Variants in FLRT2 observed in about 807,000 individuals in gnomAD.
The protein encoded by FLRT2 is leucine-rich repeat transmembrane protein FLRT2.
In FLRT2, 15 loss-of-function variants were observed where a neutral mutation model predicts 40.0. The ratio of observed to expected loss-of-function variants is 0.38; its 90% CI spans 0.25 to 0.58. The LOEUF is 0.58. Ranked by LOEUF, FLRT2 falls within the 20% of genes least tolerant of loss-of-function variation. FLRT2 has a pLI of 0.71. For synonymous variants in FLRT2, 380 were observed against 336.8 expected, an observed-to-expected ratio of 1.13 and a Z score of -1.41; for missense variants, 726 against 840.0, an observed-to-expected ratio of 0.86 and a Z score of 1.68.
At chr14:85,581,334 T>TG (rs552892701) in intron 1 of FLRT2, among the ~76,000 whole-genome samples, 134 of 152,332 alleles carry the variant, frequency 8.8e-4, no homozygotes, top group African/African-American at 3.1e-3. Flanking sequence ...GACAAGCCCT[T>TG]GGCTTCACGT....
rs190372780 is a variant in FLRT2, at chr14:85,635,016, A to G, written c.*11519A>G. On this transcript the variant is annotated 3_prime_UTR_variant, in exon 2 of 2. Transcript: ENST00000330753. ...CTGTGTGCTTTTAAAATTCAGGAAGATGTGACTAGGATAGATAAAGCAAAC... is the reference window on the plus strand; with the variant it reads ...CTGTGTGCTTTTAAAATTCAGGAAGGTGTGACTAGGATAGATAAAGCAAAC... 3.1e-4 allele frequency: 47 copies of G among 152,292 alleles called. No homozygotes were observed. The highest frequency in any genetic ancestry group is 1.1e-3 in the African/African-American group (46 of 41,576). 9.4% of individuals were successfully genotyped at this position (152,292 alleles called of 1,614,324 possible). A position where few individuals can be genotyped will look rare whatever the true frequency, so the allele number is the denominator to read the frequency against.
intron 1 of FLRT2, among the ~76,000 whole-genome samples, chr14:85,553,614 T>G (rs2139829667): frequency 6.6e-6 from 1 of 152,296 alleles, no homozygotes; most frequent in South Asian, 2.1e-4. Context: ...GATTCACACT[T>G]TTATCGCCAG....
rs1034727746 is a variant in FLRT2, at chr14:85,625,360, G to A, written c.*1863G>A. 1 of 166,894 alleles carries A rather than the reference G, an allele frequency of 6.0e-6. No individual in the cohort carries two copies. The highest frequency in any genetic ancestry group is 2.4e-5 in the African/African-American group (1 of 41,412). The allele number at this position is 166,894 out of a possible 1,614,324, so 10.3% of individuals were successfully genotyped here. A position where few individuals can be genotyped will look rare whatever the true frequency, so the allele number is the denominator to read the frequency against. Reference sequence around the variant, plus strand: ...ATGTGTCTTCTTTGTAAAAGTTTAGGTATAAAATGCTATGCAACTTTTTCT... The same window carrying A: ...ATGTGTCTTCTTTGTAAAAGTTTAGATATAAAATGCTATGCAACTTTTTCT... On this transcript the variant is annotated 3_prime_UTR_variant, in exon 2 of 2. Coordinates refer to ENST00000330753, the MANE Select transcript of FLRT2 (RefSeq NM_013231.6).
intron 1 of FLRT2, among the ~76,000 whole-genome samples, chr14:85,599,709 G>GCCTTTCCT (rs1310340132): frequency 4.0e-5 from 6 of 151,580 alleles, no homozygotes; most frequent in Admixed American, 6.6e-5. Context: ...TCCTCCCCCC[G>GCCTTTCCT]TCTTTCCTTC....
intron 1 of FLRT2, among the ~76,000 whole-genome samples, 189 bp from the exon 2 acceptor site, chr14:85,620,950 A>C (rs1442166402): frequency 6.6e-6 from 1 of 152,236 alleles, no homozygotes; most frequent in Admixed American, 6.5e-5. Flanking sequence ...TTTTGAAGAT[A>C]CTATATTAAT....
rs1295505924 is a variant in FLRT2 at position 85,623,951 on chromosome 14, C to A, written c.*454C>A. 6.0e-6 allele frequency: 1 copy of A among 168,064 alleles called. No homozygotes were observed. Among genetic ancestry groups the A allele is most frequent in the East Asian group, 1.9e-4 (1 of 5,212 alleles). The allele number at this position is 168,064 out of a possible 1,614,324, so 10.4% of individuals were successfully genotyped here. ...AAAACAAGAAATGGCCCGATAGTTT[C>A]ACACTATTCCTATACCTCCAGGTCC... On this transcript the variant is annotated 3_prime_UTR_variant, in exon 2 of 2. Transcript: ENST00000330753.
At chr14:85,598,705 G>A (rs188498716) in intron 1 of FLRT2, among the ~76,000 whole-genome samples, 10 of 152,058 alleles carry the variant, frequency 6.6e-5, no homozygotes, top group Admixed American at 2.0e-4. Context: ...TTCCTGTTAC[G>A]GTTTTAATAT....
chr14:85,615,404 A>C (rs1893078370), intron 1 of FLRT2, among the ~76,000 whole-genome samples: 1 of 152,172 alleles, frequency 6.6e-6, no homozygotes, highest in South Asian at 2.1e-4. Flanking sequence ...GTCTGATTTT[A>C]ATGTTTTCAA....
At chr14:85,532,976 TAGAG>T (rs967958867) in intron 1 of FLRT2, among the ~76,000 whole-genome samples, 2 of 152,104 alleles carry the variant, frequency 1.3e-5, no homozygotes, top group African/African-American at 4.8e-5. Flanking sequence ...GCCGGGTAGA[TAGAG>T]AGAAGGTCAG....
chr14:85,549,437 G>A (rs1228612954), intron 1 of FLRT2, among the ~76,000 whole-genome samples: 1 of 152,198 alleles, frequency 6.6e-6, no homozygotes, highest in Non-Finnish European at 1.5e-5. Flanking sequence ...GGGGTTGAGA[G>A]CTGTGGGCTG....
intron 1 of FLRT2, among the ~76,000 whole-genome samples, chr14:85,566,394 C>T (rs1890615708): frequency 6.6e-6 from 1 of 152,114 alleles, no homozygotes; most frequent in South Asian, 2.1e-4. Context: ...AAGTATTATT[C>T]TGCTTTAGAC....
Position 85,622,939 on chromosome 14 carries a change from G to A in FLRT2, c.1425G>A (p.Lys475=), listed in dbSNP as rs1893480818. Residue 475 remains lysine (K), a synonymous_variant, in exon 2 of 2, where the codon AAG becomes AAA. Coordinates refer to ENST00000330753, the MANE Select transcript of FLRT2 (RefSeq NM_013231.6). ...AGGAGCGCATAGTCAGCGGTGAGAA[G>A]CAACACCTGAGCCTGGTTAACTTAG... ...IVQERIVSGE[K]QHLSLVNLEP... is the part of the protein sequence containing the mutation. The A allele has an allele frequency of 3.1e-6, 5 of 1,614,208 alleles. No homozygotes were observed. The South Asian group carries it at 4.4e-5, about 14-fold the overall frequency.
At chr14:85,547,954 C>T (rs1393180689) in intron 1 of FLRT2, among the ~76,000 whole-genome samples, 1 of 152,198 alleles carries the variant, frequency 6.6e-6, no homozygotes, top group East Asian at 1.9e-4. Context: ...TTCTGATTAG[C>T]TTCTCCAAAT....
At chr14:85,563,726 A>G (rs1725470123) in intron 1 of FLRT2, among the ~76,000 whole-genome samples, 1 of 152,196 alleles carries the variant, frequency 6.6e-6, no homozygotes, top group South Asian at 2.1e-4. Context: ...GTGCGGACAC[A>G]GCAAAACCAT....
chr14:85,534,560 G>T (rs916853353), intron 1 of FLRT2, among the ~76,000 whole-genome samples: 1 of 152,020 alleles, frequency 6.6e-6, no homozygotes, highest in African/African-American at 2.4e-5. Flanking sequence ...GAGGTGAAAC[G>T]TGTTAGCTAT....
chr14:85,561,967 T>C (rs1304208737), intron 1 of FLRT2, among the ~76,000 whole-genome samples: 1 of 152,202 alleles, frequency 6.6e-6, no homozygotes, highest in African/African-American at 2.4e-5. Flanking sequence ...GTGACACTTC[T>C]GTCACTTCCA....
chr14:85,598,762 A>G (rs773944809), intron 1 of FLRT2, among the ~76,000 whole-genome samples: 6 of 152,156 alleles, frequency 3.9e-5, no homozygotes, highest in Non-Finnish European at 7.3e-5. Flanking sequence ...TAGTGACAGA[A>G]CTAAGACAAA....
intron 1 of FLRT2, among the ~76,000 whole-genome samples, chr14:85,570,531 T>C (rs965392060): frequency 6.6e-6 from 1 of 151,318 alleles, no homozygotes; most frequent in Non-Finnish European, 1.5e-5. Context: ...AGGTTTGTAT[T>C]TCCCTTTAAA....
At chr14:85,571,103 T>C (rs1000272575) in intron 1 of FLRT2, among the ~76,000 whole-genome samples, 1 of 152,114 alleles carries the variant, frequency 6.6e-6, no homozygotes, top group African/African-American at 2.4e-5. Flanking sequence ...TCGGGGCTTT[T>C]CTTCATCTGC....
Sources: allele counts gnomAD v4.1 joint callset (sites outside exome capture counted in the v4.1 genomes callset), GRCh38; gene constraint gnomAD v4.1.1; transcripts MANE v1.5; gene names NCBI Gene and HGNC (gene_info 2026-07-23, HGNC 2026-07-21).